The following OXR1 variants were observed in gnomAD, a reference collection of about 807,000 sequenced individuals.
The protein encoded by OXR1 is oxidation resistance protein 1.
In OXR1, 41 loss-of-function variants were observed where a neutral mutation model predicts 104.6. The ratio of observed to expected loss-of-function variants is 0.39; its 90% CI spans 0.31 to 0.51. The LOEUF is 0.51. Among genes scored for constraint, OXR1 ranks in the 20% least tolerant of loss-of-function variants. The pLI is 0.77. For missense variants in OXR1, 955 were observed against 1,031.9 expected, an observed-to-expected ratio of 0.93 and a Z score of 1.02; for synonymous variants, 348 against 348.4, an observed-to-expected ratio of 1.00 and a Z score of 0.01.
At chr8:106,538,088 T>C (rs1204818226) in intron 3 of OXR1, among the ~76,000 whole-genome samples, 1 of 152,184 alleles carries the variant, frequency 6.6e-6, no homozygotes, top group Non-Finnish European at 1.5e-5. Context: ...TGGTTACTCC[T>C]AGCCAAATGT....
intron 3 of OXR1, among the ~76,000 whole-genome samples, chr8:106,639,378 G>A (rs911763834): frequency 9.2e-5 from 14 of 152,114 alleles, no homozygotes; most frequent in African/African-American, 3.1e-4. Flanking sequence ...ATGGCCTTCT[G>A]TAAATTTTAT....
At position 106,706,562 on chromosome 8, in the gene OXR1, A is replaced by G. The variant is rs770513786; in HGVS notation, c.1041A>G (p.Ile347Met). 6.2e-7 allele frequency: 1 copy of G among 1,611,488 alleles called. No individual in the cohort carries two copies. The highest frequency in any genetic ancestry group is 8.5e-7 in the Non-Finnish European group (1 of 1,179,356). The change falls in exon 9 of 17, where the codon ATA (isoleucine) becomes ATG (methionine). Residue 347 changes from isoleucine (I) to methionine (M), a missense_variant. Around this residue, in one of 2 missense-constraint regions of OXR1, gnomAD observed 849 missense variants for 852.9 expected, o/e 1.00. Transcript: ENST00000517566. ...TCACAGAATCAGAACTTTCCCCTAT[A>G]CGAGAGGAGCTTGTATCTTCAGATG... ...DVFTESELSP[I>M]REELVSSDEL... is the part of the protein sequence containing the mutation.
chr8:106,542,311 T>G (rs1815016571), intron 3 of OXR1, among the ~76,000 whole-genome samples: 1 of 152,154 alleles, frequency 6.6e-6, no homozygotes, highest in South Asian at 2.1e-4. Flanking sequence ...ACAAGTAGCC[T>G]AAAACTAGTG....
chr8:106,712,905 C>T (rs1327119450), intron 10 of OXR1, among the ~76,000 whole-genome samples: 1 of 151,842 alleles, frequency 6.6e-6, no homozygotes, highest in Non-Finnish European at 1.5e-5. Context: ...ACATGGAATT[C>T]CCTATTTTAA....
intron 2 of OXR1, among the ~76,000 whole-genome samples, chr8:106,444,311 A>G (rs892002208): frequency 6.6e-6 from 1 of 152,162 alleles, no homozygotes; most frequent in East Asian, 1.9e-4. Context: ...ACCAGAAATA[A>G]CATTTGTTCC....
chr8:106,372,373 T>C (rs963482255), intron 2 of OXR1, among the ~76,000 whole-genome samples: 8 of 152,060 alleles, frequency 5.3e-5, no homozygotes, highest in Admixed American at 5.2e-4. Flanking sequence ...CCTGGATACC[T>C]TGGTTGCTGG....
chr8:106,471,572 C>T (rs1821494296), intron 2 of OXR1, among the ~76,000 whole-genome samples: 1 of 151,702 alleles, frequency 6.6e-6, no homozygotes, highest in Admixed American at 6.6e-5. Flanking sequence ...AACCATAGAC[C>T]TGGTGCTGAA....
intron 3 of OXR1, among the ~76,000 whole-genome samples, chr8:106,631,149 G>A (rs1822650752): frequency 6.6e-6 from 1 of 152,188 alleles, no homozygotes; most frequent in Non-Finnish European, 1.5e-5. Context: ...CTTTTTAGAT[G>A]AGAGTAAGAG....
At chr8:106,453,512 A>G (rs1446122458) in intron 2 of OXR1, among the ~76,000 whole-genome samples, 1 of 152,148 alleles carries the variant, frequency 6.6e-6, no homozygotes, top group Non-Finnish European at 1.5e-5. Flanking sequence ...GCCTGTGACC[A>G]TGCCTTAATT....
chr8:106,498,349 A>G (rs908265295), intron 2 of OXR1, among the ~76,000 whole-genome samples: 13 of 152,212 alleles, frequency 8.5e-5, no homozygotes, highest in African/African-American at 3.1e-4. Context: ...TTGCTTTGCA[A>G]ATAAATCAAT....
At chr8:106,584,635 T>C (rs1011206662) in intron 3 of OXR1, among the ~76,000 whole-genome samples, 2 of 152,120 alleles carry the variant, frequency 1.3e-5, no homozygotes, top group African/African-American at 4.8e-5. Context: ...TTCCTATCAA[T>C]AGTTTTACTA....
At chr8:106,390,131 A>G (rs1320438606) in intron 2 of OXR1, among the ~76,000 whole-genome samples, 1 of 152,204 alleles carries the variant, frequency 6.6e-6, no homozygotes, top group African/African-American at 2.4e-5. Flanking sequence ...TATAATTTTT[A>G]CTTCAGCAGG....
At chr8:106,287,127 C>G (rs1586474739) in intron 1 of OXR1, among the ~76,000 whole-genome samples, 1 of 151,944 alleles carries the variant, frequency 6.6e-6, no homozygotes, top group Non-Finnish European at 1.5e-5. Flanking sequence ...TCCTGTAGAC[C>G]TAAAGTAGAA....
chr8:106,489,553 G>T (rs1810937136), intron 2 of OXR1, among the ~76,000 whole-genome samples: 4 of 152,008 alleles, frequency 2.6e-5, no homozygotes, highest in Admixed American at 2.6e-4. Context: ...ATATTTATTG[G>T]TTGCTTGATT....
chr8:106,306,437 T>G (rs1813468022), intron 1 of OXR1, among the ~76,000 whole-genome samples: 1 of 152,102 alleles, frequency 6.6e-6, no homozygotes, highest in African/African-American at 2.4e-5. Context: ...TCAAGATATT[T>G]ACCAAAAGCA....
chr8:106,700,200 G>A (rs1252491239), intron 7 of OXR1, among the ~76,000 whole-genome samples: 3 of 152,108 alleles, frequency 2.0e-5, no homozygotes, highest in East Asian at 1.9e-4. Context: ...AATTGAAAAC[G>A]TCTTGCTCAT....
At chr8:106,595,975 C>T (rs907457896) in intron 3 of OXR1, among the ~76,000 whole-genome samples, 2 of 152,000 alleles carry the variant, frequency 1.3e-5, no homozygotes, top group Admixed American at 6.6e-5. Context: ...CTAAATATTT[C>T]TTCCTTCTCC....
intron 3 of OXR1, chr8:106,658,211 C>T: frequency 8.1e-7 from 1 of 1,233,788 alleles, no homozygotes; most frequent in East Asian, 3.2e-5. Flanking sequence ...TTTCGCCTCC[C>T]GCGCGGCCGA....
chr8:106,405,141 CAT>C (rs143485889), intron 2 of OXR1, among the ~76,000 whole-genome samples: 11 of 79,898 alleles, frequency 1.4e-4, no homozygotes, highest in Non-Finnish European at 2.4e-4. Context: ...TCAGAAACCA[CAT>C]ATATATATAT....
Sources: allele counts gnomAD v4.1 joint callset (sites outside exome capture counted in the v4.1 genomes callset), GRCh38; gene constraint gnomAD v4.1.1; regional missense constraint gnomAD v4.1.1; transcripts MANE v1.5; gene names NCBI Gene and HGNC (gene_info 2026-07-23, HGNC 2026-07-21).